The following CCR3 variants were observed in gnomAD, a reference collection of about 807,000 sequenced individuals.
The protein encoded by CCR3 is C-C motif chemokine receptor 3, also known as C-C chemokine receptor type 3.
For missense variants in CCR3, 419 were observed against 437.5 expected (o/e 0.96, Z 0.38); for synonymous variants, 203 against 179.2 (o/e 1.13, Z -1.06).
At chr3:46,246,022 A>G (rs145353654) in intron 1 of CCR3, among the ~76,000 whole-genome samples, 3,649 of 152,278 alleles carry the variant, frequency 0.024, 67 homozygotes, top group Non-Finnish European at 0.033. Flanking sequence ...TCTGCCAACT[A>G]TGGCTGATGT....
Position 46,265,342 on chromosome 3 carries a change from T to C in CCR3, c.184T>C (p.Tyr62His), listed in dbSNP as rs200743571. The change falls in exon 2 of 2, where the codon TAC becomes CAC. Residue 62 changes from tyrosine to histidine, a missense_variant. Tyr to His is a moderately conservative substitution (Grantham distance 83, BLOSUM62 2). Transcript: ENST00000395940. Reference protein sequence around the residue: ...NVVVVMILIKYRRLRIMTNIY... With the variant: ...NVVVVMILIKHRRLRIMTNIY... The stretch of plus-strand genomic sequence containing the variant: ...GGTGGTGGTGATGATCCTCATAAAA[T>C]ACAGGAGGCTCCGAATTATGACCAA... 2 of 1,614,134 alleles carry C rather than the reference T, an allele frequency of 1.2e-6. No individual in the cohort carries two copies. Among genetic ancestry groups the C allele is most frequent in the African/African-American group, 1.3e-5 (1 of 75,018 alleles).
At chr3:46,239,185 C>T (rs1438199366), upstream of CCR3, among the ~76,000 whole-genome samples, 3 of 152,156 alleles carry the variant, frequency 2.0e-5, no homozygotes, top group Admixed American at 1.3e-4. Context: ...AATGCTGTCC[C>T]GTCCTCTTTG....
At chr3:46,216,325 C>A (rs930234047) in intron 2 of CCR3, among the ~76,000 whole-genome samples, 2 of 152,254 alleles carry the variant, frequency 1.3e-5, no homozygotes, top group Admixed American at 6.5e-5. Context: ...ACACACTGCA[C>A]ACATTGGGTG....
chr3:46,247,043 G>T (rs1035483011), intron 1 of CCR3, among the ~76,000 whole-genome samples: 1 of 152,106 alleles, frequency 6.6e-6, no homozygotes, highest in Non-Finnish European at 1.5e-5. Context: ...GGTATAAAAG[G>T]TCTAAGAATC....
Position 46,266,282 on chromosome 3 carries a change from T to C in CCR3, c.*56T>C. ...GGACCAAGGAGATGAAGCAAACACA[T>C]TAAGCCTTCCACACTCACCTCTAAA... On this transcript the variant is annotated 3_prime_UTR_variant, in exon 2 of 2. Coordinates refer to ENST00000395940, the MANE Select transcript of CCR3 (RefSeq NM_178329.3). 8.8e-7 allele frequency: 1 copy of C among 1,133,526 alleles called. No individual in the cohort carries two copies. Among genetic ancestry groups the C allele is most frequent in the Non-Finnish European group, 1.3e-6 (1 of 773,208 alleles). The allele number at this position is 1,133,526 out of a possible 1,614,324, so 70.2% of individuals were successfully genotyped here.
intron 1 of CCR3, among the ~76,000 whole-genome samples, chr3:46,244,815 C>G (rs1700161517): frequency 6.6e-6 from 1 of 152,144 alleles, no homozygotes; most frequent in South Asian, 2.1e-4. Flanking sequence ...GCTCAGAGGC[C>G]TGACACTGTC....
chr3:46,265,601 C>G lies in CCR3; in HGVS notation c.443C>G (p.Thr148Ser). 6.2e-7 allele frequency: 1 copy of G among 1,614,184 alleles called. No individual in the cohort carries two copies. The highest frequency in any genetic ancestry group is 8.5e-7 in the Non-Finnish European group (1 of 1,180,020). Reference protein sequence around the residue: ...AVFALRARTVTFGVITSIVTW... With the variant: ...AVFALRARTVSFGVITSIVTW... ...TTTGCCCTTCGAGCCCGGACTGTCA[C>G]TTTTGGTGTCATCACCAGCATCGTC... Residue 148 changes from threonine to serine, a missense_variant, in exon 2 of 2, where the codon ACT becomes AGT. Physicochemically the swap from Thr to Ser is moderately conservative, Grantham distance 58. Transcript: ENST00000395940.
intron 1 of CCR3, 42 bp from the exon 2 acceptor site, chr3:46,265,106 T>C (rs947476653): frequency 1.5e-6 from 2 of 1,295,816 alleles, no homozygotes; most frequent in Non-Finnish European, 2.2e-6. Flanking sequence ...GAAGGATGAT[T>C]ATGCTTCATT....
intron 1 of CCR3, among the ~76,000 whole-genome samples, chr3:46,250,608 T>G (rs1700287943): frequency 6.6e-6 from 1 of 152,130 alleles, no homozygotes; most frequent in Non-Finnish European, 1.5e-5. Context: ...TTAGAGCCAT[T>G]GTCAAGTTTG....
chr3:46,240,641 C>A (rs1395686454), upstream of CCR3, among the ~76,000 whole-genome samples: 1 of 152,214 alleles, frequency 6.6e-6, no homozygotes, highest in African/African-American at 2.4e-5. Context: ...TGAGTGGCTG[C>A]CTCTTTCTCA....
At chr3:46,242,598 A>T (rs1482653913) in intron 1 of CCR3, 60 bp downstream of exon 1, 1 of 151,694 alleles carries the variant, frequency 6.6e-6, no homozygotes, top group Admixed American at 6.6e-5. Flanking sequence ...GGCAGGTGGA[A>T]GTAGTAACTT....
At chr3:46,256,012 G>A (rs1384289053) in intron 1 of CCR3, among the ~76,000 whole-genome samples, 3 of 152,032 alleles carry the variant, frequency 2.0e-5, no homozygotes, top group African/African-American at 7.2e-5. Flanking sequence ...TCACAATATT[G>A]ATTCTACCCA....
chr3:46,265,930 G>A lies in CCR3; in HGVS notation c.772G>A (p.Ala258Thr), dbSNP rs1322762782. ...FFIFWTPYNVAILLSSYQSIL... is the reference protein window; with the variant it reads ...FFIFWTPYNVTILLSSYQSIL... ...CATTTTCTGGACACCCTACAATGTG[G>A]CTATCCTTCTCTCTTCCTATCAATC... is the stretch of plus-strand genomic sequence containing the variant. The change falls in exon 2 of 2, where the codon GCT becomes ACT. Residue 258 changes from alanine (A) to threonine (T), a missense_variant. Physicochemically the swap from Ala to Thr is moderately conservative, Grantham distance 58. Transcript: ENST00000395940. 2 of 1,613,988 alleles carry A rather than the reference G, an allele frequency of 1.2e-6. No homozygotes were observed. The highest frequency in any genetic ancestry group is 4.5e-5 in the East Asian group (2 of 44,892).
chr3:46,237,805 G>A (rs961641534), upstream of CCR3, among the ~76,000 whole-genome samples: 7 of 152,212 alleles, frequency 4.6e-5, no homozygotes, highest in African/African-American at 7.2e-5. Flanking sequence ...TAATACCAAC[G>A]CCATGCTGTT....
chr3:46,226,310 A>G (rs1042673638), intron 2 of CCR3, among the ~76,000 whole-genome samples: 2 of 152,168 alleles, frequency 1.3e-5, no homozygotes, highest in Non-Finnish European at 1.5e-5. Context: ...CTAATCTATG[A>G]ACATGGTATA....
intron 2 of CCR3, among the ~76,000 whole-genome samples, chr3:46,222,379 G>A (rs1021751542): frequency 5.3e-5 from 8 of 152,146 alleles, no homozygotes; most frequent in Admixed American, 1.3e-4. Context: ...GCCTGGTTGC[G>A]TTACTTTCTC....
chr3:46,255,581 G>C (rs180754005), intron 1 of CCR3, among the ~76,000 whole-genome samples: 94 of 152,168 alleles, frequency 6.2e-4, no homozygotes, highest in African/African-American at 2.0e-3. Context: ...TCTATGGTGA[G>C]AGATGAGGAT....
At chr3:46,233,321 C>T (rs1034238457) in intron 2 of CCR3, among the ~76,000 whole-genome samples, 12 of 152,204 alleles carry the variant, frequency 7.9e-5, no homozygotes, top group Non-Finnish European at 1.5e-4. Flanking sequence ...CCCTGGTGCC[C>T]GGGAAGGAAG....
chr3:46,257,341 G>A (rs1489913025), intron 1 of CCR3, among the ~76,000 whole-genome samples: 1 of 151,416 alleles, frequency 6.6e-6, no homozygotes, highest in East Asian at 1.9e-4. Context: ...TAAAGGATTG[G>A]TGCTTTTGTA....
Sources: gnomAD v4.1 joint callset for allele counts (sites outside exome capture counted in the v4.1 genomes callset) on GRCh38, gnomAD v4.1.1 for gene constraint, MANE v1.5 for transcripts, NCBI Gene and HGNC (gene_info 2026-07-23, HGNC 2026-07-21) for gene names.